The following RPUSD3 variants were observed in gnomAD, a reference collection of about 807,000 sequenced individuals.
RPUSD3 encodes RNA pseudouridine synthase D3.
A neutral mutation model predicts 35.1 loss-of-function variants in RPUSD3; 36 were observed. The observed-to-expected ratio is 1.02, with a 90% CI of 0.79 to 1.35. The LOEUF (loss-of-function observed/expected upper bound fraction) is 1.35, where lower values mean the gene tolerates loss of function less well. Among genes scored for constraint, RPUSD3 ranks in the 40% most tolerant of loss-of-function variants. RPUSD3 has a pLI of 0.00. For synonymous variants in RPUSD3, 202 were observed against 187.8 expected (o/e 1.08, Z -0.62); for missense variants, 486 against 441.9 (o/e 1.10, Z -0.89).
exon 9 of RPUSD3, chr3:9,838,037 G>A: frequency 1.3e-6 from 2 of 1,583,844 alleles, no homozygotes; most frequent in Non-Finnish European, 1.7e-6. Context: ...GGAGCCCCAG[G>A]CACTGTAGGG....
intron 4 of RPUSD3, 48 bp from the exon 5 acceptor site, chr3:9,840,853 C>T: frequency 6.8e-7 from 1 of 1,473,154 alleles, no homozygotes; most frequent in Non-Finnish European, 9.3e-7. Context: ...TTGAACTCGC[C>T]CACTAAAAAG....
At chr3:9,841,947 C>G in intron 4 of RPUSD3, 36 bp downstream of exon 4, 1 of 1,557,072 alleles carries the variant, frequency 6.4e-7, no homozygotes, top group Non-Finnish European at 8.8e-7. Context: ...AGATGGATGC[C>G]TGTACTCCTA....
exon 9 of RPUSD3, chr3:9,838,176 TGGAGGC>T: frequency 6.2e-7 from 1 of 1,611,928 alleles, no homozygotes; most frequent in Non-Finnish European, 8.5e-7. Flanking sequence ...GGGGGTCAGG[TGGAGGC>T]GTCTGAGGAG....
Position 9,843,887 on chromosome 3 carries a change from C to T in RPUSD3, c.125+3G>A, listed in dbSNP as rs1451714091. 6.2e-7 allele frequency: 1 copy of T among 1,602,062 alleles called. No individual in the cohort carries two copies. The highest frequency in any genetic ancestry group is 8.5e-7 in the Non-Finnish European group (1 of 1,174,920). On this transcript the variant is annotated splice_donor_region_variant and intron_variant, in intron 1 of 8. Coordinates refer to ENST00000383820, the Ensembl canonical transcript of RPUSD3. ...CCGCATGAGAGAGGGGGTACTTAATCACCGGGCTTCGGTGCCAAAGCCTGC... is the reference window on the plus strand; with the variant it reads ...CCGCATGAGAGAGGGGGTACTTAATTACCGGGCTTCGGTGCCAAAGCCTGC...
At chr3:9,839,149 C>T (rs1338736730) in exon 8 of RPUSD3, 21 of 1,612,594 alleles carry the variant, frequency 1.3e-5, no homozygotes, top group Admixed American at 3.3e-5. Flanking sequence ...GTACCATGTG[C>T]ACCTGTAGTT....
rs2082110668 is a variant in RPUSD3 at position 9,841,980 on chromosome 3, T to TA, written c.407+2dup. Reference sequence around the variant, plus strand: ...CTAGCTTCCTGTCACCCCTACCACTTACTTCCCAGATGCTCGGACAACCTG... The same window carrying TA: ...CTAGCTTCCTGTCACCCCTACCACTTAACTTCCCAGATGCTCGGACAACCTG... On this transcript the variant is annotated splice_region_variant and intron_variant, in intron 4 of 8. Transcript: ENST00000383820. 6 of 1,613,756 alleles carry TA rather than the reference T, an allele frequency of 3.7e-6. No individual in the cohort carries two copies. Among genetic ancestry groups the TA allele is most frequent in the Non-Finnish European group, 5.1e-6 (6 of 1,179,700 alleles).
chr3:9,843,893 G>A (rs1385139327), exon 1 of RPUSD3: 2 of 1,603,632 alleles, frequency 1.2e-6, no homozygotes, highest in Non-Finnish European at 8.5e-7. Flanking sequence ...TAATCACCGG[G>A]CTTCGGTGCC....
rs376615208 is a variant in RPUSD3, at chr3:9,838,775, G to A, written c.864+257C>T. Among the ~76,000 whole-genome samples the A allele has an allele frequency of 9.6e-4, 146 of 152,304 alleles. 2 individuals carry two copies. In the South Asian group the frequency reaches 0.029, roughly 30 times the overall value. On this transcript the variant is annotated intron_variant, in intron 8 of 8. Transcript: ENST00000383820. ...TTTGACCCTTTGTACCAGACTCAAA[G>A]AATGGCAGACTTAAGAGGGCTTTAG...
intron 2 of RPUSD3, 82 bp downstream of exon 2, chr3:9,843,383 C>A: frequency 6.3e-7 from 1 of 1,578,680 alleles, no homozygotes. Flanking sequence ...AGGGCTGATC[C>A]CGTGGCTTCA....
intron 4 of RPUSD3, 103 bp from the exon 5 acceptor site, chr3:9,840,908 C>G: frequency 1.3e-6 from 1 of 744,672 alleles, no homozygotes; most frequent in Non-Finnish European, 2.2e-6. Flanking sequence ...AACACTAACA[C>G]CAGGACTATA....
chr3:9,838,449 C>T (rs1350616689), intron 8 of RPUSD3, among the ~76,000 whole-genome samples: 5 of 152,192 alleles, frequency 3.3e-5, no homozygotes, highest in Non-Finnish European at 7.3e-5. Context: ...CTCCATTTCC[C>T]AGCCCTCTCA....
chr3:9,843,148 C>T, intron 2 of RPUSD3: 1 of 341,756 alleles, frequency 2.9e-6, no homozygotes, highest in South Asian at 4.3e-5. Flanking sequence ...CGCGTCAGCA[C>T]CCTAAAGTGC....
At chr3:9,838,229 G>T (rs1343477606) in intron 8 of RPUSD3, 22 bp from the exon 9 acceptor site, 1 of 1,610,714 alleles carries the variant, frequency 6.2e-7, no homozygotes, top group East Asian at 2.2e-5. Flanking sequence ...GAGGTACGTT[G>T]TGTTCAGCCC....
intron 1 of RPUSD3, 126 bp from the exon 2 acceptor site, chr3:9,843,727 C>T (rs2082138052): frequency 1.9e-6 from 3 of 1,543,274 alleles, no homozygotes; most frequent in Non-Finnish European, 2.6e-6. Context: ...GGGCTGACCT[C>T]GAAAATTCAG....
chr3:9,843,343 C>A, intron 2 of RPUSD3, 122 bp downstream of exon 2: 1 of 1,450,308 alleles, frequency 6.9e-7, no homozygotes. Context: ...TGGCTTGTCC[C>A]AGCTCATGCT....
intron 4 of RPUSD3, chr3:9,841,729 G>A (rs1237961547): frequency 1.7e-5 from 6 of 351,886 alleles, no homozygotes; most frequent in Admixed American, 4.4e-5. Flanking sequence ...TTGGCCTCCA[G>A]AAGTGTTGGG....
chr3:9,843,338 T>G, intron 2 of RPUSD3, 127 bp downstream of exon 2: 2 of 1,389,958 alleles, frequency 1.4e-6, no homozygotes, highest in South Asian at 1.3e-5. Context: ...TTAGGTGGCT[T>G]GTCCCAGCTC....
intron 6 of RPUSD3, 91 bp downstream of exon 6, chr3:9,840,441 G>T: frequency 1.3e-6 from 2 of 1,597,386 alleles, no homozygotes; most frequent in Non-Finnish European, 1.7e-6. Context: ...GGGGACAGGA[G>T]AGCCAGCCAT....
intron 8 of RPUSD3, 86 bp downstream of exon 8, chr3:9,838,946 G>C: frequency 1.9e-6 from 3 of 1,591,614 alleles, no homozygotes; most frequent in Non-Finnish European, 2.6e-6. Context: ...GTAGTCCCAA[G>C]CTGCACAGAT....
Sources: allele counts gnomAD v4.1 joint callset (sites outside exome capture counted in the v4.1 genomes callset), GRCh38; gene constraint gnomAD v4.1.1; transcripts MANE v1.5; gene names NCBI Gene and HGNC (gene_info 2026-07-23, HGNC 2026-07-21).